Variants in SEC63 observed in about 807,000 individuals in gnomAD.
SEC63 encodes the protein SEC63 protein translocation regulator.
A neutral mutation model predicts 116.2 loss-of-function variants in SEC63; 56 were observed. The observed-to-expected ratio is 0.48, with a 90% confidence interval of 0.39 to 0.60. SEC63 has a LOEUF of 0.60. Ranked by LOEUF, SEC63 falls within the 20% of genes least tolerant of loss-of-function variation. SEC63 has a pLI of 0.00. For missense variants in SEC63, 668 were observed against 900.0 expected (o/e 0.74, Z 3.30); for synonymous variants, 273 against 294.6 (o/e 0.93, Z 0.75).
chr6:107,921,915 G>GGGGGAA lies in SEC63; in HGVS notation c.340-7_340-6insTTCCCC. 2 of 1,104,754 alleles carry GGGGGAA rather than the reference G, an allele frequency of 1.8e-6. No individual in the cohort carries two copies. Among genetic ancestry groups the GGGGGAA allele is most frequent in the Non-Finnish European group, 2.5e-6 (2 of 814,554 alleles). The allele number at this position is 1,104,754 out of a possible 1,614,324, so 68.4% of individuals were successfully genotyped here. A position where few individuals can be genotyped will look rare whatever the true frequency, so the allele number is the denominator to read the frequency against. The stretch of plus-strand genomic sequence containing the variant: ...ATTTCTGCTACTGTGGCTCCCTGGG[G>GGGGGAA]AAAAACAAAAAAAAAAAACAAGCTT... On this transcript the variant is annotated splice_region_variant and splice_polypyrimidine_tract_variant and intron_variant, in intron 3 of 20. Transcript: ENST00000369002.
chr6:107,878,677 GAA>G (rs888524015), intron 18 of SEC63, among the ~76,000 whole-genome samples: 15 of 152,148 alleles, frequency 9.9e-5, no homozygotes, highest in African/African-American at 3.6e-4. Context: ...CCAACATGGA[GAA>G]ACCCTGTCTC....
chr6:107,870,588 TCCA>T lies in SEC63; in HGVS notation c.*1113_*1115del, dbSNP rs541858963. ...CTCTACTCTTTACAAGCACTATCCT[TCCA>T]GTTGTACTATGAGGGGAAATCCCTC... On this transcript the variant is annotated 3_prime_UTR_variant, in exon 21 of 21. Transcript: ENST00000369002. The T allele has an allele frequency of 1.9e-3, 289 of 152,318 alleles. 2 individuals carry two copies. The highest frequency in any genetic ancestry group is 6.8e-3 in the African/African-American group (282 of 41,570). The allele number at this position is 152,318 out of a possible 1,614,324, so 9.4% of individuals were successfully genotyped here. A position where few individuals can be genotyped will look rare whatever the true frequency, so the allele number is the denominator to read the frequency against.
At chr6:107,932,813 T>C (rs1397082208) in intron 1 of SEC63, among the ~76,000 whole-genome samples, 1 of 152,074 alleles carries the variant, frequency 6.6e-6, no homozygotes, top group African/African-American at 2.4e-5. Flanking sequence ...GATCTTGGCT[T>C]CTAAATACCA....
At chr6:107,915,047 G>A (rs1242267340) in intron 4 of SEC63, among the ~76,000 whole-genome samples, 1 of 152,146 alleles carries the variant, frequency 6.6e-6, no homozygotes, top group Non-Finnish European at 1.5e-5. Flanking sequence ...AGTTTAAGAA[G>A]CAAATGAATT....
intron 1 of SEC63, among the ~76,000 whole-genome samples, chr6:107,953,591 G>A (rs1328541043): frequency 5.5e-5 from 8 of 144,732 alleles, no homozygotes; most frequent in African/African-American, 7.8e-5. Flanking sequence ...CCCCCCGCCC[G>A]GCCAGCCGCC....
intron 1 of SEC63, chr6:107,931,843 C>G (rs1787818521): frequency 2.7e-5 from 1 of 37,366 alleles, no homozygotes; most frequent in Non-Finnish European, 5.7e-5. Flanking sequence ...CACCCCAAAG[C>G]CAAAGTCAAA....
chr6:107,883,076 T>TTGAA lies in SEC63; in HGVS notation c.1744_1745insTTCA (p.Asn582IlefsTer3), dbSNP rs1786448332. ...ATCTTTCTCACTTTGGGAATCTCTATTGGTTTCTTCTTCTTCAGAATCACT... is the reference window on the plus strand; with the variant it reads ...ATCTTTCTCACTTTGGGAATCTCTATTGAATGGTTTCTTCTTCTTCAGAATCACT... On this transcript the variant is annotated frameshift_variant, in exon 17 of 21. Transcript: ENST00000369002. LOFTEE classifies it high-confidence loss of function. 1 of 1,613,106 alleles carries TTGAA rather than the reference T, an allele frequency of 6.2e-7. No homozygotes were observed. The highest frequency in any genetic ancestry group is 1.3e-5 in the African/African-American group (1 of 74,922).
intron 10 of SEC63, among the ~76,000 whole-genome samples, chr6:107,905,664 C>T (rs1239987198): frequency 6.6e-6 from 1 of 152,118 alleles, no homozygotes; most frequent in Non-Finnish European, 1.5e-5. Context: ...TAACCACTGT[C>T]GGAGGAAGCT....
chr6:107,920,721 A>C (rs1243136085), intron 4 of SEC63, among the ~76,000 whole-genome samples: 3 of 152,184 alleles, frequency 2.0e-5, no homozygotes, highest in Admixed American at 2.0e-4. Flanking sequence ...GTGGGGATGT[A>C]CTTATGAAGA....
chr6:107,930,384 GCAGATCACCTGAGGT>G (rs987595217), intron 1 of SEC63, among the ~76,000 whole-genome samples: 2 of 151,886 alleles, frequency 1.3e-5, no homozygotes, highest in Non-Finnish European at 2.9e-5. Flanking sequence ...GCTGAGGCGG[GCAGATCACCTGAGGT>G]CAGGAGTTCG....
chr6:107,941,373 G>A (rs1027126349), intron 1 of SEC63, among the ~76,000 whole-genome samples: 1 of 151,926 alleles, frequency 6.6e-6, no homozygotes, highest in African/African-American at 2.4e-5. Context: ...CAGCTACATA[G>A]TCCTACTACT....
At chr6:107,879,602 G>A (rs182968866) in intron 18 of SEC63, among the ~76,000 whole-genome samples, 9 of 152,260 alleles carry the variant, frequency 5.9e-5, no homozygotes, top group African/African-American at 2.2e-4. Context: ...TGGGATTACA[G>A]GCATGAGCCA....
Position 107,871,613 on chromosome 6 carries a change from A to G in SEC63, c.*91T>C, listed in dbSNP as rs1433662005. 7 of 1,198,020 alleles carry G rather than the reference A, an allele frequency of 5.8e-6. No individual in the cohort carries two copies. The East Asian group carries it at 1.6e-4, about 28-fold the overall frequency. The allele number at this position is 1,198,020 out of a possible 1,614,324, so 74.2% of individuals were successfully genotyped here. On this transcript the variant is annotated 3_prime_UTR_variant, in exon 21 of 21. Transcript: ENST00000369002. ...AAAAAACTACACCTCCCTCAACATC[A>G]GTTCTGTACTGTTTCTGGTTTATGA...
rs1403886771 is a variant in SEC63 at position 107,893,608 on chromosome 6, C to T, written c.1548G>A (p.Lys516=). 15 of 1,612,646 alleles carry T rather than the reference C, an allele frequency of 9.3e-6. No homozygotes were observed. The highest frequency in any genetic ancestry group is 1.3e-5 in the Non-Finnish European group (15 of 1,179,750). Residue 516 remains lysine, a synonymous_variant, in exon 16 of 21, where the codon AAG becomes AAA. Coordinates refer to ENST00000369002, the MANE Select transcript of SEC63 (RefSeq NM_007214.5). ...TAGCAGTTTTCTTGGGTCCTTTACT[C>T]TTCTGTTGCCATCCTCCTTTTGTCC... is the stretch of plus-strand genomic sequence containing the variant. The part of the protein sequence containing the change: ...KNRTKGGWQQ[K]SKGPKKTAKS...
intron 1 of SEC63, among the ~76,000 whole-genome samples, chr6:107,929,829 C>T (rs940930903): frequency 2.0e-5 from 3 of 152,168 alleles, no homozygotes; most frequent in African/African-American, 7.2e-5. Flanking sequence ...GGGAAATTCT[C>T]TCCCTCTTTC....
At chr6:107,901,285 A>G (rs1238391548) in intron 13 of SEC63, 85 bp downstream of exon 13, 4 of 1,271,000 alleles carry the variant, frequency 3.1e-6, no homozygotes, top group Non-Finnish European at 4.6e-6. Flanking sequence ...TATTAAGTAC[A>G]GTGTTTTGAG....
At chr6:107,903,509 C>T (rs1787058168) in intron 11 of SEC63, among the ~76,000 whole-genome samples, 1 of 151,956 alleles carries the variant, frequency 6.6e-6, no homozygotes, top group South Asian at 2.1e-4. Context: ...GAAACCAGAC[C>T]AGTCTGGGCG....
intron 1 of SEC63, among the ~76,000 whole-genome samples, chr6:107,934,276 G>C (rs1412106856): frequency 6.6e-6 from 1 of 151,594 alleles, no homozygotes; most frequent in African/African-American, 2.4e-5. Flanking sequence ...AGGAAGTGAG[G>C]AGCGTCTCTG....
At chr6:107,956,552 T>C (rs1332870854) in intron 1 of SEC63, among the ~76,000 whole-genome samples, 1 of 152,218 alleles carries the variant, frequency 6.6e-6, no homozygotes, top group Non-Finnish European at 1.5e-5. Context: ...TTTCATAAAC[T>C]ACCCATTGAG....
Sources: gnomAD v4.1 joint callset for allele counts (sites outside exome capture counted in the v4.1 genomes callset) on GRCh38, gnomAD v4.1.1 for gene constraint, MANE v1.5 for transcripts, NCBI Gene and HGNC (gene_info 2026-07-23, HGNC 2026-07-21) for gene names.